The following RAD51B variants were observed in gnomAD, a reference collection of about 807,000 sequenced individuals.
RAD51B encodes the protein RAD51 paralog B, also known as DNA repair protein RAD51 homolog 2.
Under a neutral mutation model 42.2 loss-of-function variants are expected in RAD51B, and 38 were observed. The observed-to-expected ratio is 0.90, with a 90% CI of 0.70 to 1.18. The LOEUF (loss-of-function observed/expected upper bound fraction) is 1.18. Ranked by LOEUF, RAD51B falls within the 50% of genes most tolerant of loss-of-function variation. The pLI is 0.00. For synonymous variants in RAD51B, 154 were observed against 145.2 expected (o/e 1.06, Z -0.43); for missense variants, 373 against 400.7 (o/e 0.93, Z 0.59).
At chr14:68,195,297 C>T (rs1229296352) in intron 7 of RAD51B, among the ~76,000 whole-genome samples, 1 of 152,036 alleles carries the variant, frequency 6.6e-6, no homozygotes, top group Non-Finnish European at 1.5e-5. Context: ...TTTCATTTGC[C>T]CTCCAAATGC....
chr14:68,072,761 T>C (rs1471134016), intron 7 of RAD51B, among the ~76,000 whole-genome samples: 1 of 152,240 alleles, frequency 6.6e-6, no homozygotes, highest in East Asian at 1.9e-4. Flanking sequence ...AAATAATTTC[T>C]TGATTCCTGC....
At chr14:68,571,806 TTTG>T (rs1215940941) in intron 10 of RAD51B, among the ~76,000 whole-genome samples, 1 of 1,078 alleles carries the variant, frequency 9.3e-4, no homozygotes, top group African/African-American at 2.4e-3. Context: ...CTGTTTTTTG[TTTG>T]TTTGTTTGTT....
intron 9 of RAD51B, among the ~76,000 whole-genome samples, chr14:68,467,193 GAT>G (rs2086007631): frequency 6.6e-6 from 1 of 152,188 alleles, no homozygotes; most frequent in South Asian, 2.1e-4. Flanking sequence ...AACCATATGA[GAT>G]GTGATAATGG....
chr14:67,868,082 C>T (rs1401077316), intron 5 of RAD51B, among the ~76,000 whole-genome samples: 1 of 152,062 alleles, frequency 6.6e-6, no homozygotes, highest in Non-Finnish European at 1.5e-5. Flanking sequence ...GAGGGAGGAG[C>T]CAAGATGGCC....
rs145740729 is a variant in RAD51B at position 68,316,805 on chromosome 14, C to T, written c.853+24825C>T. On this transcript the variant is annotated intron_variant, in intron 8 of 10. Coordinates refer to ENST00000471583, the MANE Select transcript of RAD51B (RefSeq NM_133510.4). Reference sequence around the variant, plus strand: ...AGAGGATCCTCTGTTGATGACTAGTCGAAGTTAATTTTCTTTACAGATTTA... The same window carrying T: ...AGAGGATCCTCTGTTGATGACTAGTTGAAGTTAATTTTCTTTACAGATTTA... Among the ~76,000 whole-genome samples, 171 of 152,074 alleles carry T rather than the reference C, an allele frequency of 1.1e-3. 1 individual carries two copies. Among genetic ancestry groups the T allele is most frequent in the East Asian group, 3.9e-3 (20 of 5,174 alleles).
chr14:67,889,107 C>G lies in RAD51B; in HGVS notation c.756+1903C>G, dbSNP rs944057383. On this transcript the variant is annotated intron_variant, in intron 7 of 10. Coordinates refer to ENST00000471583, the MANE Select transcript of RAD51B (RefSeq NM_133510.4). ...CTGAAAAAATAGGTACTGAATATCC[C>G]ATTTCTATGCCTTTGGCTTTGTTTC... 8.0e-4 allele frequency among the ~76,000 whole-genome samples: 121 copies of G among 152,092 alleles called. 1 individual carries two copies. The highest frequency in any genetic ancestry group is 2.9e-3 in the African/African-American group (119 of 41,500).
chr14:68,496,527 A>G (rs1466182466), intron 10 of RAD51B, among the ~76,000 whole-genome samples: 2 of 152,170 alleles, frequency 1.3e-5, no homozygotes, highest in Non-Finnish European at 2.9e-5. Context: ...TGGTGCTCCC[A>G]TGGCCTGATA....
chr14:68,004,280 C>T (rs1451782254), intron 7 of RAD51B, among the ~76,000 whole-genome samples: 1 of 143,436 alleles, frequency 7.0e-6, no homozygotes, highest in Non-Finnish European at 1.5e-5. Context: ...TTGCAGTGAG[C>T]TGAGATCGCG....
At chr14:67,959,043 A>T (rs1177398056) in intron 7 of RAD51B, among the ~76,000 whole-genome samples, 1 of 152,058 alleles carries the variant, frequency 6.6e-6, no homozygotes, top group Non-Finnish European at 1.5e-5. Flanking sequence ...TCCATTTTTC[A>T]CATCACATTT....
intron 6 of RAD51B, chr14:67,886,669 A>C (rs2043070765): frequency 4.1e-6 from 1 of 241,118 alleles, no homozygotes; most frequent in East Asian, 6.0e-5. Flanking sequence ...CATACAGATC[A>C]AGTCTGGCAC....
chr14:68,184,669 G>C (rs59549528), intron 7 of RAD51B, among the ~76,000 whole-genome samples: 2 of 147,338 alleles, frequency 1.4e-5, no homozygotes, highest in African/African-American at 5.0e-5. Context: ...AATTGTTTCA[G>C]AGTTAAAAAG....
intron 7 of RAD51B, among the ~76,000 whole-genome samples, chr14:67,941,021 A>G (rs1436593348): frequency 1.3e-5 from 2 of 152,296 alleles, no homozygotes; most frequent in Non-Finnish European, 2.9e-5. Context: ...AACTGTGCAC[A>G]TGATGCAGTA....
At chr14:68,270,074 C>A (rs2081074770) in intron 7 of RAD51B, among the ~76,000 whole-genome samples, 1 of 152,290 alleles carries the variant, frequency 6.6e-6, no homozygotes, top group East Asian at 1.9e-4. Context: ...CTAATACTAA[C>A]CCTAAGAATA....
intron 10 of RAD51B, among the ~76,000 whole-genome samples, chr14:68,624,071 A>G (rs955763667): frequency 1.3e-5 from 2 of 151,982 alleles, no homozygotes; most frequent in Non-Finnish European, 2.9e-5. Context: ...CAAGAGAACA[A>G]CCTCCCCTGT....
At chr14:68,129,606 A>C (rs950723188) in intron 7 of RAD51B, among the ~76,000 whole-genome samples, 1 of 152,204 alleles carries the variant, frequency 6.6e-6, no homozygotes, top group Non-Finnish European at 1.5e-5. Flanking sequence ...TGAAAGAATA[A>C]AAGACTTGAC....
chr14:68,570,383 T>TG (rs1889635593), intron 10 of RAD51B, among the ~76,000 whole-genome samples: 1 of 152,212 alleles, frequency 6.6e-6, no homozygotes, highest in Non-Finnish European at 1.5e-5. Flanking sequence ...AACAAGGCTA[T>TG]GAGAAACCAG....
chr14:68,668,921 G>T (rs745840334), intron 11 of RAD51B, among the ~76,000 whole-genome samples: 1 of 152,178 alleles, frequency 6.6e-6, no homozygotes, highest in Admixed American at 6.5e-5. Flanking sequence ...GGGTTTTCCC[G>T]AAAGACCTTT....
At chr14:68,045,633 A>T (rs553886124) in intron 7 of RAD51B, among the ~76,000 whole-genome samples, 1 of 152,318 alleles carries the variant, frequency 6.6e-6, no homozygotes, top group Non-Finnish European at 1.5e-5. Flanking sequence ...AATGTTCTGT[A>T]CCTGCACATT....
chr14:67,899,908 TC>T (rs1222413352), intron 7 of RAD51B, among the ~76,000 whole-genome samples: 1 of 152,208 alleles, frequency 6.6e-6, no homozygotes, highest in African/African-American at 2.4e-5. Context: ...TGAGTTTGAA[TC>T]CAGATATGTG....
Sources: allele counts gnomAD v4.1 joint callset (sites outside exome capture counted in the v4.1 genomes callset), GRCh38; gene constraint gnomAD v4.1.1; transcripts MANE v1.5; gene names NCBI Gene and HGNC (gene_info 2026-07-23, HGNC 2026-07-21).